Variants in FCHSD2 observed in about 807,000 individuals in gnomAD.
FCHSD2 encodes the protein F-BAR and double SH3 domains protein 2.
A neutral mutation model predicts 108.1 loss-of-function variants in FCHSD2; 38 were observed. The observed-to-expected ratio is 0.35, with a 90% CI of 0.27 to 0.46. The LOEUF (loss-of-function observed/expected upper bound fraction) is 0.46. Among genes scored for constraint, FCHSD2 ranks in the 20% least tolerant of loss-of-function variants. FCHSD2 has a pLI of 1.00. For missense variants in FCHSD2, 751 were observed against 897.8 expected, an observed-to-expected ratio of 0.84 and a Z score of 2.09; for synonymous variants, 279 against 314.7, an observed-to-expected ratio of 0.89 and a Z score of 1.20.
At chr11:72,923,652 G>A (rs11603656) in intron 8 of FCHSD2, among the ~76,000 whole-genome samples, 2 of 151,990 alleles carry the variant, frequency 1.3e-5, no homozygotes, top group African/African-American at 4.8e-5. Context: ...TTTTAAATTA[G>A]GTTGTCAGGT....
intron 4 of FCHSD2, among the ~76,000 whole-genome samples, chr11:73,007,382 A>T (rs576571316): frequency 6.6e-6 from 1 of 152,288 alleles, no homozygotes; most frequent in East Asian, 1.9e-4. Flanking sequence ...GCATTTTGGG[A>T]GGCTGAGGCA....
intron 13 of FCHSD2, among the ~76,000 whole-genome samples, chr11:72,861,377 C>A (rs1192687272): frequency 2.5e-5 from 3 of 122,170 alleles, no homozygotes; most frequent in African/African-American, 9.1e-5. Flanking sequence ...GAAATGGAGT[C>A]TATTATTTAA....
At chr11:73,042,747 G>A (rs538306150) in intron 3 of FCHSD2, among the ~76,000 whole-genome samples, 6 of 151,812 alleles carry the variant, frequency 4.0e-5, no homozygotes, top group Non-Finnish European at 7.4e-5. Context: ...AGTGTTTTGC[G>A]GTTTTTTGTT....
At chr11:73,041,615 GTT>G (rs1284935581) in intron 3 of FCHSD2, among the ~76,000 whole-genome samples, 1 of 152,054 alleles carries the variant, frequency 6.6e-6, no homozygotes, top group East Asian at 1.9e-4. Context: ...TTGCTACTGA[GTT>G]GAGTTTCTTA....
intron 12 of FCHSD2, among the ~76,000 whole-genome samples, chr11:72,871,765 T>C (rs1346183259): frequency 6.6e-6 from 1 of 151,818 alleles, no homozygotes; most frequent in East Asian, 1.9e-4. Context: ...TTTTTTTTTT[T>C]TTTTTTTTAG....
In FCHSD2 at chr11:72,868,025, A is replaced by G. The variant is rs144631789; in HGVS notation, c.1148T>C (p.Ile383Thr). The G allele has an allele frequency of 2.1e-4, 334 of 1,554,690 alleles. 1 individual carries two copies. The highest frequency in any genetic ancestry group is 2.6e-4 in the Admixed American group (13 of 50,592). ...CCGGGCTTCAGCTTTCAATTTAATT[A>G]TCTAGAGAACCAAGAAAATGGTCGG... is the stretch of plus-strand genomic sequence containing the variant. ...EARENIRKAE[I>T]IKLKAEARLD... The change falls in exon 13 of 20, where the codon ATA (isoleucine) becomes ACA (threonine). Residue 383 changes from isoleucine to threonine, a missense_variant and splice_region_variant. Coordinates refer to ENST00000409418, the MANE Select transcript of FCHSD2 (RefSeq NM_014824.3).
At chr11:73,104,919 A>G (rs539141703) in intron 2 of FCHSD2, among the ~76,000 whole-genome samples, 95 of 152,348 alleles carry the variant, frequency 6.2e-4, no homozygotes, top group Non-Finnish European at 1.1e-3. Context: ...ATATTTTACA[A>G]TATAGTTTTA....
At chr11:72,839,832 T>C (rs945677764) in intron 19 of FCHSD2, among the ~76,000 whole-genome samples, 1 of 152,188 alleles carries the variant, frequency 6.6e-6, no homozygotes, top group Non-Finnish European at 1.5e-5. Flanking sequence ...ATGGTTATCA[T>C]AGCTGTGGAA....
chr11:73,052,278 A>T (rs1170589225), intron 3 of FCHSD2, among the ~76,000 whole-genome samples: 1 of 152,226 alleles, frequency 6.6e-6, no homozygotes, highest in African/African-American at 2.4e-5. Flanking sequence ...AATTTTGTGT[A>T]ACGGTATATT....
At position 72,901,865 on chromosome 11, in the gene FCHSD2, G is replaced by GTT. The variant is rs200661196; in HGVS notation, c.924+676_924+677dup. 1.2e-3 allele frequency among the ~76,000 whole-genome samples: 176 copies of GTT among 147,860 alleles called. 1 individual carries two copies. The highest frequency in any genetic ancestry group is 4.1e-3 in the African/African-American group (166 of 40,530). On this transcript the variant is annotated intron_variant, in intron 10 of 19. Transcript: ENST00000409418. ...TATTCCATTTATTAATTCTATTCTGGTTTTTTTTTTGTTTGTTTGTTTGTT... is the reference window on the plus strand; with the variant it reads ...TATTCCATTTATTAATTCTATTCTGGTTTTTTTTTTTTGTTTGTTTGTTTGTT...
intron 3 of FCHSD2, among the ~76,000 whole-genome samples, chr11:73,035,069 T>C (rs1374469756): frequency 6.6e-6 from 1 of 152,208 alleles, no homozygotes; most frequent in Non-Finnish European, 1.5e-5. Context: ...ACTAGTATAC[T>C]GGTTAAGAGC....
intron 2 of FCHSD2, among the ~76,000 whole-genome samples, chr11:73,096,987 A>ATTTTGTTTTTTT (rs1860096859): frequency 3.7e-5 from 1 of 27,020 alleles, no homozygotes; most frequent in Non-Finnish European, 5.6e-5. Flanking sequence ...TCATTGATGG[A>ATTTTGTTTTTTT]TTTTTTTTTT....
intron 4 of FCHSD2, among the ~76,000 whole-genome samples, chr11:73,011,983 T>C (rs1857873645): frequency 6.6e-6 from 1 of 152,176 alleles, no homozygotes; most frequent in Non-Finnish European, 1.5e-5. Context: ...AATATCAACA[T>C]TTTAAATATA....
chr11:73,004,630 C>T (rs372930452), intron 4 of FCHSD2, among the ~76,000 whole-genome samples: 15 of 152,298 alleles, frequency 9.8e-5, no homozygotes, highest in African/African-American at 3.4e-4. Flanking sequence ...TTGCCTCTTT[C>T]TCTTTCCACC....
intron 13 of FCHSD2, among the ~76,000 whole-genome samples, chr11:72,866,854 A>G (rs1355496896): frequency 6.6e-6 from 1 of 152,210 alleles, no homozygotes; most frequent in African/African-American, 2.4e-5. Context: ...TGATATCTGA[A>G]GAGCACAAGC....
chr11:72,900,229 TCCCGCCCTTG>T, intron 10 of FCHSD2: 1 of 530,606 alleles, frequency 1.9e-6, no homozygotes, highest in Non-Finnish European at 3.6e-6. Context: ...TTCCCATCCC[TCCCGCCCTTG>T]ACCCACACCC....
intron 19 of FCHSD2, among the ~76,000 whole-genome samples, 189 bp from the exon 20 acceptor site, chr11:72,839,063 T>C (rs1860823063): frequency 6.6e-6 from 1 of 152,182 alleles, no homozygotes; most frequent in Non-Finnish European, 1.5e-5. Flanking sequence ...CTCAATGAAA[T>C]ATCAAGCCCA....
chr11:73,110,945 C>A (rs1860469409), intron 2 of FCHSD2, among the ~76,000 whole-genome samples: 1 of 152,144 alleles, frequency 6.6e-6, no homozygotes, highest in Non-Finnish European at 1.5e-5. Flanking sequence ...CATTGTGGAG[C>A]ACATTGTTTA....
chr11:73,128,967 G>T (rs1168189740), intron 2 of FCHSD2, among the ~76,000 whole-genome samples: 1 of 152,182 alleles, frequency 6.6e-6, no homozygotes, highest in Admixed American at 6.5e-5. Context: ...CATCTCCCGG[G>T]TTCAAGCGAT....
Sources: gnomAD v4.1 joint callset for allele counts (sites outside exome capture counted in the v4.1 genomes callset) on GRCh38, gnomAD v4.1.1 for gene constraint, MANE v1.5 for transcripts, NCBI Gene and HGNC (gene_info 2026-07-23, HGNC 2026-07-21) for gene names.